CREBL2: variants seen among roughly 807,000 people sequenced by gnomAD.
The protein encoded by CREBL2 is cAMP-responsive element-binding protein-like 2.
In CREBL2, 4 loss-of-function variants were observed where a neutral mutation model predicts 19.5. The observed-to-expected ratio is 0.20, with a 90% CI of 0.10 to 0.47. CREBL2 has a LOEUF of 0.47. Ranked by LOEUF, CREBL2 falls within the 20% of genes least tolerant of loss-of-function variation. The pLI is 0.98. For synonymous variants in CREBL2, 42 were observed against 46.6 expected (o/e 0.90, Z 0.40); for missense variants, 85 against 145.1 (o/e 0.59, Z 2.13).
In CREBL2 at chr12:12,635,781, T is replaced by C. The variant is rs115171950; in HGVS notation, c.20T>C (p.Val7Ala). The change falls in exon 2 of 4, where the codon GTT (valine) becomes GCT (alanine). Residue 7 changes from valine (V) to alanine (A), a missense_variant. Coordinates refer to ENST00000228865, the MANE Select transcript of CREBL2 (RefSeq NM_001310.4). MDDSKV[V>A]GGKVKKPGKR... ...TTCTTCTCTCGCTTGCTGAAGGTGGTTGGAGGCAAAGTAAAGAAGCCCGGT... is the reference window on the plus strand; with the variant it reads ...TTCTTCTCTCGCTTGCTGAAGGTGGCTGGAGGCAAAGTAAAGAAGCCCGGT... 3.5e-5 allele frequency: 57 copies of C among 1,609,520 alleles called. No homozygotes were observed. The African/African-American group carries it at 6.5e-4, about 18-fold the overall frequency.
chr12:12,642,099 G>C lies in CREBL2; in HGVS notation c.*101G>C, dbSNP rs1374151401. On this transcript the variant is annotated 3_prime_UTR_variant, in exon 4 of 4. Transcript: ENST00000228865. Reference sequence around the variant, plus strand: ...TTCTTGGCTCCATTTACTACCTACTGCTCAGTAGTCATCTCTGTAAATCTG... The same window carrying C: ...TTCTTGGCTCCATTTACTACCTACTCCTCAGTAGTCATCTCTGTAAATCTG... 1 of 781,014 alleles carries C rather than the reference G, an allele frequency of 1.3e-6. No individual in the cohort carries two copies. Among genetic ancestry groups the C allele is most frequent in the African/African-American group, 1.8e-5 (1 of 55,816 alleles). 48.4% of individuals were successfully genotyped at this position (781,014 alleles called of 1,614,324 possible).
Position 12,612,147 on chromosome 12 carries a change from C to G in CREBL2, c.-26C>G. ...GGGGGAGGGCTCCGGGAGGGAGTGC[C>G]TGGCCAGGCCGGCCTGTCTGCCGCG... On this transcript the variant is annotated 5_prime_UTR_variant, in exon 1 of 4. Coordinates refer to ENST00000228865, the MANE Select transcript of CREBL2 (RefSeq NM_001310.4). The G allele has an allele frequency of 6.2e-7, 1 of 1,611,256 alleles. No individual in the cohort carries two copies. Among genetic ancestry groups the G allele is most frequent in the Non-Finnish European group, 8.5e-7 (1 of 1,179,918 alleles).
chr12:12,636,756 C>T (rs1176709525), intron 2 of CREBL2, among the ~76,000 whole-genome samples: 1 of 152,170 alleles, frequency 6.6e-6, no homozygotes, highest in African/African-American at 2.4e-5. Context: ...TTTATTCACT[C>T]ATCCATTCAG....
rs999929867 is a variant in CREBL2 at position 12,619,070 on chromosome 12, G to A, written c.15+6883G>A. On this transcript the variant is annotated intron_variant, in intron 1 of 3. Transcript: ENST00000228865. ...AGAGGGAGAGGGAGAGGAGGGAGAGGGAGAGGAGGGAGAGGAGGGAGAGGG... is the reference window on the plus strand; with the variant it reads ...AGAGGGAGAGGGAGAGGAGGGAGAGAGAGAGGAGGGAGAGGAGGGAGAGGG... Among the ~76,000 whole-genome samples the A allele has an allele frequency of 8.0e-5, 4 of 50,294 alleles. No individual in the cohort carries two copies. The East Asian group carries it at 2.3e-3, about 29-fold the overall frequency. The allele number at this position is 50,294 out of a possible 152,430, so 33.0% of individuals were successfully genotyped here.
At chr12:12,616,255 A>T (rs1216340284) in intron 1 of CREBL2, among the ~76,000 whole-genome samples, 1 of 152,220 alleles carries the variant, frequency 6.6e-6, no homozygotes, top group African/African-American at 2.4e-5. Context: ...TAGCTGTAAG[A>T]TCATATAAAA....
chr12:12,636,500 A>G (rs979052726), intron 2 of CREBL2, among the ~76,000 whole-genome samples: 5 of 152,024 alleles, frequency 3.3e-5, no homozygotes, highest in African/African-American at 1.2e-4. Context: ...GCTCATTGCA[A>G]GCTCTACCTC....
rs979170206 is a variant in CREBL2 at position 12,643,359 on chromosome 12, AC to A, written c.*1363del. On this transcript the variant is annotated 3_prime_UTR_variant, in exon 4 of 4. Coordinates refer to ENST00000228865, the MANE Select transcript of CREBL2 (RefSeq NM_001310.4). ...TTTTGATTTCCCCAGCGAGATACTT[AC>A]CACTCTCTCTTCTCTTTCCCATGGT... 21 of 152,590 alleles carry A rather than the reference AC, an allele frequency of 1.4e-4. No individual in the cohort carries two copies. Among genetic ancestry groups the A allele is most frequent in the African/African-American group, 4.6e-4 (19 of 41,414 alleles). 9.5% of individuals were successfully genotyped at this position (152,590 alleles called of 1,614,324 possible).
At chr12:12,612,908 G>C (rs1945279538) in intron 1 of CREBL2, among the ~76,000 whole-genome samples, 1 of 152,120 alleles carries the variant, frequency 6.6e-6, no homozygotes, top group South Asian at 2.1e-4. Context: ...TTTCGCTCTT[G>C]TCGCCCAGGC....
intron 1 of CREBL2, among the ~76,000 whole-genome samples, chr12:12,621,182 G>A (rs944815124): frequency 6.6e-6 from 1 of 152,174 alleles, no homozygotes; most frequent in Non-Finnish European, 1.5e-5. Context: ...ACCATAAGCA[G>A]AATATAATGA....
intron 1 of CREBL2, among the ~76,000 whole-genome samples, chr12:12,620,530 G>A (rs1945351549): frequency 1.3e-5 from 2 of 152,024 alleles, no homozygotes; most frequent in African/African-American, 4.8e-5. Flanking sequence ...ATGCCCGGCC[G>A]CCTTCCTTTC....
chr12:12,625,596 T>C (rs1333437436), intron 1 of CREBL2, among the ~76,000 whole-genome samples: 2 of 152,208 alleles, frequency 1.3e-5, no homozygotes, highest in African/African-American at 2.4e-5. Flanking sequence ...GCATGCTTGA[T>C]TACCTTCTGA....
chr12:12,619,444 A>G (rs577393521), intron 1 of CREBL2, among the ~76,000 whole-genome samples: 2 of 152,244 alleles, frequency 1.3e-5, no homozygotes, highest in Middle Eastern at 6.8e-3. Context: ...CATCTCTTCA[A>G]AAAATATAAA....
At chr12:12,633,493 G>T (rs1229404007) in intron 1 of CREBL2, among the ~76,000 whole-genome samples, 3 of 152,130 alleles carry the variant, frequency 2.0e-5, no homozygotes, top group Non-Finnish European at 2.9e-5. Context: ...AGCTTTAAAA[G>T]ACCAGGTTTT....
chr12:12,615,406 A>C (rs1376229187), intron 1 of CREBL2: 1 of 149,972 alleles, frequency 6.7e-6, no homozygotes, highest in Non-Finnish European at 1.5e-5. Flanking sequence ...CATGTTGGCC[A>C]GGCTGGTCTG....
rs1279303833 is a variant in CREBL2, at chr12:12,643,137, C to A, written c.*1139C>A. 6.6e-6 allele frequency: 1 copy of A among 152,596 alleles called. No homozygotes were observed. The highest frequency in any genetic ancestry group is 1.5e-5 in the Non-Finnish European group (1 of 68,042). The allele number at this position is 152,596 out of a possible 1,614,324, so 9.5% of individuals were successfully genotyped here. ...ATCTGGTTCAGCCCTGGATATGCCT[C>A]CACTGTGGAGGGAAGCATTGGAACT... On this transcript the variant is annotated 3_prime_UTR_variant, in exon 4 of 4. Coordinates refer to ENST00000228865, the MANE Select transcript of CREBL2 (RefSeq NM_001310.4).
In CREBL2 at chr12:12,637,532, T is replaced by C. The variant is rs763487150; in HGVS notation, c.214-38T>C. The C allele has an allele frequency of 8.2e-6, 10 of 1,225,518 alleles. No individual in the cohort carries two copies. The South Asian group carries it at 2.6e-4, about 31-fold the overall frequency. 75.9% of individuals were successfully genotyped at this position (1,225,518 alleles called of 1,614,324 possible). On this transcript the variant is annotated intron_variant, in intron 2 of 3. Coordinates refer to ENST00000228865, the MANE Select transcript of CREBL2 (RefSeq NM_001310.4). ...AGTAAAAGTTAATTTAAATATGTTT[T>C]AAATTTATATTTATATTTAAAATTA... is the stretch of plus-strand genomic sequence containing the variant.
chr12:12,639,209 GAT>G (rs549592116), intron 3 of CREBL2, among the ~76,000 whole-genome samples: 18 of 152,170 alleles, frequency 1.2e-4, no homozygotes, highest in African/African-American at 4.3e-4. Flanking sequence ...TTTATCCTTT[GAT>G]GGACATATGT....
Position 12,637,616 on chromosome 12 carries a change from A to G in CREBL2, c.260A>G (p.Glu87Gly). ...MAMDQGKIPS[E>G]IKALLTGEEQ... is the part of the protein sequence containing the mutation. ...ATGGACCAAGGAAAAATCCCTTCTG[A>G]AATAAAGGCCCTACTCACTGGAGAA... Residue 87 changes from glutamate to glycine, a missense_variant, in exon 3 of 4, where the codon GAA becomes GGA. Coordinates refer to ENST00000228865, the MANE Select transcript of CREBL2 (RefSeq NM_001310.4). 6.2e-7 allele frequency: 1 copy of G among 1,610,738 alleles called. No homozygotes were observed. Among genetic ancestry groups the G allele is most frequent in the Non-Finnish European group, 8.5e-7 (1 of 1,177,830 alleles).
At chr12:12,625,791 T>C (rs971946932) in intron 1 of CREBL2, among the ~76,000 whole-genome samples, 24 of 152,260 alleles carry the variant, frequency 1.6e-4, no homozygotes, top group African/African-American at 4.3e-4. Context: ...TGCAATGTTA[T>C]TGTTTATTTC....
Sources: gnomAD v4.1 joint callset for allele counts (sites outside exome capture counted in the v4.1 genomes callset) on GRCh38, gnomAD v4.1.1 for gene constraint, MANE v1.5 for transcripts, NCBI Gene and HGNC (gene_info 2026-07-23, HGNC 2026-07-21) for gene names.